Variants in SH3YL1 observed in about 807,000 individuals in gnomAD.
The protein encoded by SH3YL1 is SH3 and SYLF domain containing 1.
In SH3YL1, 41 loss-of-function variants were observed where a neutral mutation model predicts 45.8. The ratio of observed to expected loss-of-function variants is 0.89; its 90% CI spans 0.70 to 1.16. The LOEUF is 1.16. Among genes scored for constraint, SH3YL1 ranks in the 50% most tolerant of loss-of-function variants. The pLI is 0.00. For synonymous variants in SH3YL1, 152 were observed against 151.4 expected (o/e 1.00, Z -0.03); for missense variants, 389 against 409.6 (o/e 0.95, Z 0.43).
At chr2:263,761 T>G (rs1347438274) in intron 1 of SH3YL1, 1 of 471,932 alleles carries the variant, frequency 2.1e-6, no homozygotes, top group East Asian at 3.5e-5. Flanking sequence ...GGAATAGCTT[T>G]TCTAAAAATG....
At chr2:231,266 A>G in intron 6 of SH3YL1, 75 bp from the exon 7 acceptor site, 1 of 1,132,124 alleles carries the variant, frequency 8.8e-7, no homozygotes. Context: ...GCATGTGCGC[A>G]CACACGGTGT....
chr2:239,167 AC>A (rs1668436164), intron 4 of SH3YL1, among the ~76,000 whole-genome samples: 2 of 152,222 alleles, frequency 1.3e-5, no homozygotes, highest in Non-Finnish European at 2.9e-5. Flanking sequence ...AAGAGAACTG[AC>A]CTTAAGAACA....
At chr2:249,924 A>T (rs951375655) in intron 2 of SH3YL1, 80 bp from the exon 3 acceptor site, 38 of 976,554 alleles carry the variant, frequency 3.9e-5, no homozygotes, top group Non-Finnish European at 4.6e-5. Flanking sequence ...AAACAGAGTC[A>T]GTGTACACAG....
rs1337408441 is a variant in SH3YL1, at chr2:231,114, T to C, written c.611A>G (p.Tyr204Cys). Residue 204 changes from tyrosine to cysteine, a missense_variant, in exon 7 of 10, where the codon TAT (tyrosine) becomes TGT (cysteine). Coordinates refer to ENST00000356150, the MANE Select transcript of SH3YL1 (RefSeq NM_015677.4). ...TTCAGTAAAGGAATCAAGAATTTCA[T>C]AAAGATCTTCGGCTTGAGCAGGCCG... is the stretch of plus-strand genomic sequence containing the variant. Reference protein sequence around the residue: ...TPRPAQAEDLYEILDSFTEKY... With the variant: ...TPRPAQAEDLCEILDSFTEKY... 1 of 1,614,170 alleles carries C rather than the reference T, an allele frequency of 6.2e-7. No individual in the cohort carries two copies. The highest frequency in any genetic ancestry group is 1.1e-5 in the South Asian group (1 of 91,080).
At chr2:235,180 T>G (rs1378017396) in intron 4 of SH3YL1, among the ~76,000 whole-genome samples, 1 of 152,250 alleles carries the variant, frequency 6.6e-6, no homozygotes, top group Non-Finnish European at 1.5e-5. Context: ...CCAGCTGACT[T>G]AATTTTTCTC....
At chr2:232,516 A>T (rs1668094697) in intron 6 of SH3YL1, among the ~76,000 whole-genome samples, 2 of 151,912 alleles carry the variant, frequency 1.3e-5, no homozygotes, top group Non-Finnish European at 2.9e-5. Context: ...ATAGGTATAC[A>T]TATGCCATGT....
At chr2:233,746 C>T (rs745796366) in intron 5 of SH3YL1, among the ~76,000 whole-genome samples, 1 of 152,164 alleles carries the variant, frequency 6.6e-6, no homozygotes, top group Non-Finnish European at 1.5e-5. Context: ...GAAAAATACA[C>T]TTTAAGTACT....
At chr2:247,140 A>G (rs1043977712) in intron 4 of SH3YL1, among the ~76,000 whole-genome samples, 1 of 152,226 alleles carries the variant, frequency 6.6e-6, no homozygotes, top group African/African-American at 2.4e-5. Flanking sequence ...TGAATATCAT[A>G]TGTTACAAAA....
intron 4 of SH3YL1, chr2:239,734 G>T (rs1668460943): frequency 6.6e-6 from 1 of 152,056 alleles, no homozygotes; most frequent in Non-Finnish European, 1.5e-5. Flanking sequence ...GGCATAAAGA[G>T]GCCACAGACC....
intron 4 of SH3YL1, chr2:243,708 G>GA: frequency 1.1e-5 from 10 of 895,126 alleles, no homozygotes; most frequent in Non-Finnish European, 1.6e-5. Flanking sequence ...TTCCCCGGAA[G>GA]AACATTTGCT....
rs1013130669 is a variant in SH3YL1, at chr2:252,997, T to C, written c.112+8A>G. 8 of 1,484,882 alleles carry C rather than the reference T, an allele frequency of 5.4e-6. No homozygotes were observed. In the African/African-American group the frequency reaches 5.6e-5, roughly 10 times the overall value. The allele number at this position is 1,484,882 out of a possible 1,614,324, so 92.0% of individuals were successfully genotyped here. ...TAGAGACAAACAGCACTCATCCTAT[T>C]TACCTACCAGGAATGATCTTATCAG... On this transcript the variant is annotated splice_region_variant and intron_variant, in intron 2 of 9. Transcript: ENST00000356150.
At chr2:239,573 A>T (rs374007679) in intron 4 of SH3YL1, 84 of 152,310 alleles carry the variant, frequency 5.5e-4, no homozygotes, top group African/African-American at 1.9e-3. Context: ...CAACTTAAAA[A>T]TTTTTTATTT....
intron 1 of SH3YL1, chr2:263,270 T>C (rs10167992): frequency 0.91 from 140,859 of 154,280 alleles, 64,421 homozygotes; most frequent in African/African-American, 0.97. Flanking sequence ...CACAGGAGCA[T>C]GGGCATATTG....
chr2:253,987 G>T (rs1299806905), intron 1 of SH3YL1, among the ~76,000 whole-genome samples: 1 of 152,016 alleles, frequency 6.6e-6, no homozygotes, highest in Non-Finnish European at 1.5e-5. Flanking sequence ...GGGCCCCAAA[G>T]GATGTTAAAC....
At chr2:242,887 C>A in intron 4 of SH3YL1, 4 of 1,445,670 alleles carry the variant, frequency 2.8e-6, no homozygotes, top group Admixed American at 5.7e-5. Context: ...TATCAAACAA[C>A]AAAAAATGTA....
At chr2:243,770 A>G (rs568918874) in intron 4 of SH3YL1, among the ~76,000 whole-genome samples, 23 of 151,594 alleles carry the variant, frequency 1.5e-4, no homozygotes, top group African/African-American at 5.1e-4. Flanking sequence ...CTAGTGAACC[A>G]TATCTGACAA....
At chr2:225,941 T>C (rs922720598) in intron 8 of SH3YL1, among the ~76,000 whole-genome samples, 1 of 152,214 alleles carries the variant, frequency 6.6e-6, no homozygotes, top group African/African-American at 2.4e-5. Flanking sequence ...TGTATACATG[T>C]AATGTTACCA....
chr2:262,889 G>A (rs1669645559), intron 1 of SH3YL1: 1 of 366,840 alleles, frequency 2.7e-6, no homozygotes, highest in Non-Finnish European at 4.8e-6. Context: ...TAGTTTTACA[G>A]AAATTTTCTT....
intron 6 of SH3YL1, among the ~76,000 whole-genome samples, 173 bp from the exon 7 acceptor site, chr2:231,364 T>G (rs1020351777): frequency 6.6e-5 from 10 of 152,194 alleles, no homozygotes; most frequent in Non-Finnish European, 1.3e-4. Flanking sequence ...AAGTCTTAAA[T>G]GTACCCCAAA....
Sources: gnomAD v4.1 joint callset for allele counts (sites outside exome capture counted in the v4.1 genomes callset) on GRCh38, gnomAD v4.1.1 for gene constraint, MANE v1.5 for transcripts, NCBI Gene and HGNC (gene_info 2026-07-23, HGNC 2026-07-21) for gene names.